RABGAP1L: variants seen among roughly 807,000 people sequenced by gnomAD.
The protein encoded by RABGAP1L is RAB GTPase activating protein 1 like, also known as rab GTPase-activating protein 1-like.
RABGAP1L carries 63 observed loss-of-function variants against 137.7 expected under a neutral mutation model. The observed-to-expected ratio is 0.46, with a 90% confidence interval of 0.37 to 0.56. The LOEUF (loss-of-function observed/expected upper bound fraction) is 0.56, where lower values mean the gene tolerates loss of function less well. RABGAP1L is among the 20% of genes least tolerant of loss of function. RABGAP1L has a pLI of 0.00. For missense variants in RABGAP1L, 1,095 were observed against 1,244.0 expected (o/e 0.88, Z 1.80); for synonymous variants, 431 against 433.7 (o/e 0.99, Z 0.08).
At chr1:174,247,608 T>G (rs1046274491) in intron 5 of RABGAP1L, among the ~76,000 whole-genome samples, 1 of 152,236 alleles carries the variant, frequency 6.6e-6, no homozygotes, top group Non-Finnish European at 1.5e-5. Context: ...CTTCTTGCCC[T>G]TGCCCCACAT....
intron 1 of RABGAP1L, among the ~76,000 whole-genome samples, chr1:174,207,817 G>A (rs1031817015): frequency 2.6e-5 from 4 of 152,276 alleles, no homozygotes; most frequent in South Asian, 2.1e-4. Flanking sequence ...GTCTCCTGGT[G>A]TGAATTTTGG....
At chr1:174,377,756 A>ACTCTCT (rs144535757) in intron 12 of RABGAP1L, among the ~76,000 whole-genome samples, 2 of 98,796 alleles carry the variant, frequency 2.0e-5, no homozygotes, top group Non-Finnish European at 5.2e-5. Context: ...AGCAACTGCA[A>ACTCTCT]CTCTTTTTTT....
intron 19 of RABGAP1L, 29 bp from the exon 20 acceptor site, chr1:174,957,428 C>G (rs1261050184): frequency 1.9e-6 from 3 of 1,561,062 alleles, no homozygotes; most frequent in Admixed American, 3.3e-5. Flanking sequence ...GTGTCCTTGT[C>G]TAACATGGTT....
chr1:174,533,284 C>G (rs757230418), intron 13 of RABGAP1L, among the ~76,000 whole-genome samples: 4 of 152,174 alleles, frequency 2.6e-5, no homozygotes, highest in African/African-American at 4.8e-5. Flanking sequence ...GCGCTCCCCT[C>G]TGGTACCATC....
At chr1:174,523,023 A>G (rs766322568) in intron 13 of RABGAP1L, among the ~76,000 whole-genome samples, 1 of 152,228 alleles carries the variant, frequency 6.6e-6, no homozygotes, top group Non-Finnish European at 1.5e-5. Context: ...AATCAGAGAT[A>G]GTACATGGAA....
intron 13 of RABGAP1L, among the ~76,000 whole-genome samples, chr1:174,597,115 T>A (rs573642786): frequency 1.6e-4 from 24 of 152,290 alleles, no homozygotes; most frequent in Middle Eastern, 6.8e-3. Context: ...GAATTTGGTT[T>A]GCTAGTATTT....
intron 19 of RABGAP1L, among the ~76,000 whole-genome samples, chr1:174,930,597 A>G (rs1327491409): frequency 6.6e-6 from 1 of 152,174 alleles, no homozygotes; most frequent in African/African-American, 2.4e-5. Flanking sequence ...GATTATAGGC[A>G]TGAGCCACTG....
At chr1:174,986,194 C>T (rs919460338) in intron 24 of RABGAP1L, among the ~76,000 whole-genome samples, 2 of 149,002 alleles carry the variant, frequency 1.3e-5, no homozygotes, top group African/African-American at 5.2e-5. Flanking sequence ...ATGTTCTACC[C>T]ACCTCGGCCT....
At chr1:174,181,266 A>G (rs1269948257) in intron 1 of RABGAP1L, among the ~76,000 whole-genome samples, 1 of 152,036 alleles carries the variant, frequency 6.6e-6, no homozygotes, top group Non-Finnish European at 1.5e-5. Flanking sequence ...TTGGTCTCCC[A>G]AGTAGCTGGA....
At chr1:174,271,892 A>T (rs1674585819) in intron 7 of RABGAP1L, among the ~76,000 whole-genome samples, 1 of 151,846 alleles carries the variant, frequency 6.6e-6, no homozygotes, top group African/African-American at 2.4e-5. Context: ...TTTTTTTTAA[A>T]ACTGAGGATA....
At chr1:174,665,208 C>T (rs1676691712) in intron 14 of RABGAP1L, among the ~76,000 whole-genome samples, 1 of 152,164 alleles carries the variant, frequency 6.6e-6, no homozygotes, top group Admixed American at 6.5e-5. Context: ...AGTGCCTGGG[C>T]TCTGGAGCTG....
At chr1:174,922,150 T>G (rs1661917701) in intron 19 of RABGAP1L, 1 of 152,184 alleles carries the variant, frequency 6.6e-6, no homozygotes, top group African/African-American at 2.4e-5. Context: ...GGCCTAAAAA[T>G]GGGTGTTTAG....
intron 13 of RABGAP1L, among the ~76,000 whole-genome samples, chr1:174,623,167 TGAG>T (rs909447946): frequency 6.6e-6 from 1 of 152,196 alleles, no homozygotes; most frequent in African/African-American, 2.4e-5. Context: ...AACACAGTCT[TGAG>T]GAACTATTTT....
At chr1:174,822,269 C>CA (rs1691111206) in intron 19 of RABGAP1L, among the ~76,000 whole-genome samples, 1 of 151,896 alleles carries the variant, frequency 6.6e-6, no homozygotes, top group South Asian at 2.1e-4. Context: ...CTCAAACAAA[C>CA]AAAAAAAATT....
chr1:174,954,874 C>A (rs902124375), intron 19 of RABGAP1L, among the ~76,000 whole-genome samples: 1 of 152,152 alleles, frequency 6.6e-6, no homozygotes. Flanking sequence ...TCTATAGCTC[C>A]AGGGCTATTT....
chr1:174,465,466 C>T (rs1657188286), intron 13 of RABGAP1L, among the ~76,000 whole-genome samples: 1 of 152,142 alleles, frequency 6.6e-6, no homozygotes, highest in African/African-American at 2.4e-5. Flanking sequence ...TCCCAAAGTG[C>T]TGGGATTACA....
chr1:174,750,871 G>A (rs1684288236), intron 17 of RABGAP1L, among the ~76,000 whole-genome samples: 1 of 152,180 alleles, frequency 6.6e-6, no homozygotes, highest in African/African-American at 2.4e-5. Flanking sequence ...GAACAGGGCA[G>A]TAGGTCTTTT....
intron 12 of RABGAP1L, 57 bp downstream of exon 12, chr1:174,371,129 G>A: frequency 1.0e-6 from 1 of 985,214 alleles, no homozygotes; most frequent in Non-Finnish European, 1.5e-6. Flanking sequence ...ATGTTAATTT[G>A]TTGTATTAAA....
chr1:174,191,506 A>G (rs1667207240), intron 1 of RABGAP1L, among the ~76,000 whole-genome samples: 1 of 152,198 alleles, frequency 6.6e-6, no homozygotes, highest in South Asian at 2.1e-4. Flanking sequence ...TCTTACGTGT[A>G]GTATAGCCTT....
Sources: gnomAD v4.1 joint callset for allele counts (sites outside exome capture counted in the v4.1 genomes callset) on GRCh38, gnomAD v4.1.1 for gene constraint, MANE v1.5 for transcripts, NCBI Gene and HGNC (gene_info 2026-07-23, HGNC 2026-07-21) for gene names.